UBE2E2: variants seen among roughly 807,000 people sequenced by gnomAD.
UBE2E2 encodes the protein ubiquitin conjugating enzyme E2 E2, also known as ubiquitin-conjugating enzyme E2 E2.
In UBE2E2, 6 loss-of-function variants were observed where a neutral mutation model predicts 24.7. The observed-to-expected ratio is 0.24, with a 90% CI of 0.13 to 0.48. The LOEUF is 0.48. UBE2E2 is among the 20% of genes least tolerant of loss of function. UBE2E2 has a pLI of 0.99. For missense variants in UBE2E2, 169 were observed against 245.0 expected (o/e 0.69, Z 2.07); for synonymous variants, 104 against 83.6 (o/e 1.24, Z -1.33).
Position 23,307,271 on chromosome 3 carries a change from C to G in UBE2E2, c.227+89959C>G, listed in dbSNP as rs182520140. Reference sequence around the variant, plus strand: ...ATTAATTAATAAATTCTTCCTCCCTCTGTATAGTCATTCTTCAAGTTGCTT... The same window carrying G: ...ATTAATTAATAAATTCTTCCTCCCTGTGTATAGTCATTCTTCAAGTTGCTT... On this transcript the variant is annotated intron_variant, in intron 3 of 5. Coordinates refer to ENST00000396703, the MANE Select transcript of UBE2E2 (RefSeq NM_152653.4). 2.8e-4 allele frequency among the ~76,000 whole-genome samples: 42 copies of G among 152,248 alleles called. 1 individual carries two copies. The highest frequency in any genetic ancestry group is 1.0e-3 in the African/African-American group (42 of 41,572).
intron 3 of UBE2E2, among the ~76,000 whole-genome samples, chr3:23,483,290 A>T (rs79160497): frequency 1.3e-5 from 2 of 152,240 alleles, no homozygotes; most frequent in Non-Finnish European, 2.9e-5. Context: ...TTTAGATAAC[A>T]TTTAAGTTTG....
intron 3 of UBE2E2, among the ~76,000 whole-genome samples, chr3:23,489,742 A>G (rs943321854): frequency 6.6e-6 from 1 of 152,184 alleles, no homozygotes. Flanking sequence ...ACGGACTGGT[A>G]CTGGGAGTGG....
intron 3 of UBE2E2, among the ~76,000 whole-genome samples, chr3:23,468,768 GCATGCATCTT>G (rs1405056814): frequency 6.6e-6 from 1 of 152,144 alleles, no homozygotes; most frequent in Non-Finnish European, 1.5e-5. Context: ...CTAAATAACT[GCATGCATCTT>G]CTTGAACAAG....
intron 3 of UBE2E2, among the ~76,000 whole-genome samples, chr3:23,256,457 CA>C (rs1219655761): frequency 6.9e-6 from 1 of 144,352 alleles, no homozygotes; most frequent in Non-Finnish European, 1.6e-5. Flanking sequence ...AAAACTTTTG[CA>C]TTGTAATTTT....
At chr3:23,277,832 G>A (rs1233191545) in intron 3 of UBE2E2, among the ~76,000 whole-genome samples, 3 of 152,016 alleles carry the variant, frequency 2.0e-5, no homozygotes, top group Non-Finnish European at 4.4e-5. Flanking sequence ...AATCCCTATT[G>A]AGGATAACAG....
rs1695779316 is a variant in UBE2E2 at position 23,556,257 on chromosome 3, G to C, written c.508+23556G>C. On this transcript the variant is annotated intron_variant, in intron 5 of 5. Coordinates refer to ENST00000396703, the MANE Select transcript of UBE2E2 (RefSeq NM_152653.4). ...CCTCCCAGGTTCAAGCGATTCTTCT[G>C]CCTCAAGCTCCTGAGTAGCTGGGAC... is the stretch of plus-strand genomic sequence containing the variant. Among the ~76,000 whole-genome samples the C allele has an allele frequency of 2.1e-5, 3 of 142,666 alleles. No individual in the cohort carries two copies. In the Admixed American group the frequency reaches 2.3e-4, roughly 11 times the overall value. The allele number at this position is 142,666 out of a possible 152,430, so 93.6% of individuals were successfully genotyped here.
intron 3 of UBE2E2, among the ~76,000 whole-genome samples, chr3:23,302,609 T>C (rs1699129667): frequency 6.6e-6 from 1 of 152,216 alleles, no homozygotes; most frequent in Non-Finnish European, 1.5e-5. Context: ...TGGAAAGTAG[T>C]AGGCATCAGC....
intron 3 of UBE2E2, among the ~76,000 whole-genome samples, chr3:23,432,790 ACTT>A (rs1243378341): frequency 6.6e-6 from 1 of 151,876 alleles, no homozygotes; most frequent in African/African-American, 2.4e-5. Flanking sequence ...TCACACAGAG[ACTT>A]CTTTTCTGTT....
At chr3:23,478,587 C>T (rs1014402000) in intron 3 of UBE2E2, among the ~76,000 whole-genome samples, 1 of 152,026 alleles carries the variant, frequency 6.6e-6, no homozygotes, top group Non-Finnish European at 1.5e-5. Context: ...GCCTCCAAAA[C>T]CAAAAAAGTA....
chr3:23,458,175 T>C (rs1311127781), intron 3 of UBE2E2, among the ~76,000 whole-genome samples: 1 of 152,058 alleles, frequency 6.6e-6, no homozygotes, highest in African/African-American at 2.4e-5. Flanking sequence ...CTTCCTTTCA[T>C]TTGAACACTT....
In UBE2E2 at chr3:23,508,643, A is replaced by G. The variant is rs9857085; in HGVS notation, c.360+8903A>G. Among the ~76,000 whole-genome samples the G allele has an allele frequency of 9.0e-3, 1,365 of 152,280 alleles. 21 individuals are homozygous for G. Among genetic ancestry groups the G allele is most frequent in the African/African-American group, 0.031 (1,274 of 41,562 alleles). ...CTCTGATATCTACTGACACACCCTTATAAGAGCCCTGCCATAAAGGTGGAG... is the reference window on the plus strand; with the variant it reads ...CTCTGATATCTACTGACACACCCTTGTAAGAGCCCTGCCATAAAGGTGGAG... On this transcript the variant is annotated intron_variant, in intron 4 of 5. Coordinates refer to ENST00000396703, the MANE Select transcript of UBE2E2 (RefSeq NM_152653.4).
At chr3:23,257,575 G>C (rs1372387468) in intron 3 of UBE2E2, among the ~76,000 whole-genome samples, 1 of 116,246 alleles carries the variant, frequency 8.6e-6, no homozygotes, top group Non-Finnish European at 1.6e-5. Flanking sequence ...AGTCTCATGA[G>C]GCCCAGACTG....
intron 4 of UBE2E2, among the ~76,000 whole-genome samples, chr3:23,532,145 G>A (rs768418647): frequency 6.6e-6 from 1 of 151,332 alleles, no homozygotes; most frequent in Non-Finnish European, 1.5e-5. Flanking sequence ...TTTGGTGTTT[G>A]AATATTATAA....
At chr3:23,404,585 G>A (rs1697312976) in intron 3 of UBE2E2, among the ~76,000 whole-genome samples, 1 of 152,128 alleles carries the variant, frequency 6.6e-6, no homozygotes, top group Admixed American at 6.6e-5. Flanking sequence ...ATAAGTAACA[G>A]GTTAAGACTG....
chr3:23,386,393 C>A (rs1221163552), intron 3 of UBE2E2, among the ~76,000 whole-genome samples: 2 of 152,250 alleles, frequency 1.3e-5, no homozygotes, highest in South Asian at 4.1e-4. Context: ...CCTCCGAATG[C>A]AATCAGGTTG....
intron 3 of UBE2E2, among the ~76,000 whole-genome samples, chr3:23,291,134 C>G (rs1350655060): frequency 2.0e-5 from 3 of 149,648 alleles, no homozygotes; most frequent in Admixed American, 2.0e-4. Context: ...CTTTTGCTGA[C>G]TAGATGCAGA....
At chr3:23,387,621 CTCTT>C (rs894193097) in intron 3 of UBE2E2, among the ~76,000 whole-genome samples, 2 of 152,150 alleles carry the variant, frequency 1.3e-5, no homozygotes, top group Admixed American at 6.6e-5. Context: ...TCATGTTTCT[CTCTT>C]TCTTTACCAT....
chr3:23,411,340 T>C (rs889663513), intron 3 of UBE2E2, among the ~76,000 whole-genome samples: 1 of 152,288 alleles, frequency 6.6e-6, no homozygotes, highest in African/African-American at 2.4e-5. Flanking sequence ...AGATGATGCC[T>C]CCACATCTGC....
intron 3 of UBE2E2, among the ~76,000 whole-genome samples, chr3:23,355,306 C>G (rs550867200): frequency 1.3e-5 from 2 of 152,006 alleles, no homozygotes; most frequent in East Asian, 1.9e-4. Context: ...GTGCAGCACA[C>G]CAGCATGGCA....
Sources: gnomAD v4.1 joint callset for allele counts (sites outside exome capture counted in the v4.1 genomes callset) on GRCh38, gnomAD v4.1.1 for gene constraint, MANE v1.5 for transcripts, NCBI Gene and HGNC (gene_info 2026-07-23, HGNC 2026-07-21) for gene names.